PTPRJ: variants seen among roughly 807,000 people sequenced by gnomAD.
PTPRJ encodes the protein receptor-type tyrosine-protein phosphatase eta.
In PTPRJ, 129 loss-of-function variants were observed where a neutral mutation model predicts 141.3. The observed-to-expected ratio is 0.91, with a 90% CI of 0.79 to 1.06. The LOEUF (loss-of-function observed/expected upper bound fraction) is 1.06, where lower values mean the gene tolerates loss of function less well. PTPRJ is among the 50% of genes least tolerant of loss of function. The probability of loss-of-function intolerance (pLI) is 0.00; values close to 1 mark genes in which losing one functional copy is unlikely to be tolerated. For synonymous variants in PTPRJ, 610 were observed against 640.5 expected (o/e 0.95, Z 0.72); for missense variants, 1,601 against 1,679.7 (o/e 0.95, Z 0.82).
intron 1 of PTPRJ, among the ~76,000 whole-genome samples, chr11:48,053,262 A>G (rs1854638589): frequency 1.1e-5 from 1 of 88,710 alleles, no homozygotes; most frequent in Non-Finnish European, 2.0e-5. Context: ...TATATATAAT[A>G]TATTATATAA....
intron 11 of PTPRJ, among the ~76,000 whole-genome samples, chr11:48,142,415 A>T (rs1415762390): frequency 1.3e-5 from 2 of 152,160 alleles, no homozygotes; most frequent in East Asian, 1.9e-4. Flanking sequence ...CATTGAATTT[A>T]TAGATCGCTT....
At chr11:48,090,394 C>T (rs895731394) in intron 1 of PTPRJ, among the ~76,000 whole-genome samples, 2 of 152,248 alleles carry the variant, frequency 1.3e-5, no homozygotes, top group Admixed American at 6.5e-5. Flanking sequence ...AAGGGCGTGG[C>T]ATCTGACAGA....
At chr11:48,090,375 C>T (rs1855836430) in intron 1 of PTPRJ, among the ~76,000 whole-genome samples, 1 of 152,360 alleles carries the variant, frequency 6.6e-6, no homozygotes, top group South Asian at 2.1e-4. Flanking sequence ...CCAGCTCACA[C>T]TGGTCTTGAA....
chr11:48,128,089 C>T lies in PTPRJ; in HGVS notation c.1357+46C>T, dbSNP rs761205747. The T allele has an allele frequency of 1.5e-5, 23 of 1,571,308 alleles. No individual in the cohort carries two copies. In the Middle Eastern group the frequency reaches 5.1e-4, roughly 35 times the overall value. Reference sequence around the variant, plus strand: ...CACCACCCTTTCCTGCTGTCCTGCTCCGTGCCAGGCCCAGACACAGGATGC... The same window carrying T: ...CACCACCCTTTCCTGCTGTCCTGCTTCGTGCCAGGCCCAGACACAGGATGC... On this transcript the variant is annotated intron_variant, in intron 7 of 24. Transcript: ENST00000418331.
chr11:48,020,901 T>C (rs1352177567), intron 1 of PTPRJ, among the ~76,000 whole-genome samples: 1 of 152,160 alleles, frequency 6.6e-6, no homozygotes, highest in Admixed American at 6.6e-5. Flanking sequence ...GAGGGGCATG[T>C]GTCAGAGTTG....
rs1007559057 is a variant in PTPRJ, at chr11:47,994,521, G to A, written c.96+13513G>A. Among the ~76,000 whole-genome samples the A allele has an allele frequency of 3.3e-5, 5 of 152,090 alleles. No individual in the cohort carries two copies. In the South Asian group the frequency reaches 1.0e-3, roughly 32 times the overall value. ...ATACAAAAAATTAGTGGTGGTGCACGCTTGTGGTCCCAGCTGTTTGGGAGG... is the reference window on the plus strand; with the variant it reads ...ATACAAAAAATTAGTGGTGGTGCACACTTGTGGTCCCAGCTGTTTGGGAGG... On this transcript the variant is annotated intron_variant, in intron 1 of 24. Transcript: ENST00000418331.
At chr11:48,164,722 T>C (rs1264076391) in intron 24 of PTPRJ, among the ~76,000 whole-genome samples, 1 of 151,938 alleles carries the variant, frequency 6.6e-6, no homozygotes, top group Non-Finnish European at 1.5e-5. Flanking sequence ...ACGCACACCA[T>C]GCCCAGCTAA....
At chr11:48,026,172 C>T (rs1388994449) in intron 1 of PTPRJ, among the ~76,000 whole-genome samples, 1 of 152,064 alleles carries the variant, frequency 6.6e-6, no homozygotes, top group Admixed American at 6.6e-5. Context: ...GTGGAAGGTT[C>T]GAGTCTTACT....
At position 48,123,615 on chromosome 11, in the gene PTPRJ, C is replaced by T; in HGVS notation, c.619C>T (p.Pro207Ser). ...TGCATGTTGTATTTTTAAAATAGAG[C>T]CGATCCCAGTTTCTGATCTCCGTGT... ...DPRVIKVITE[P>S]IPVSDLRVAL... is the part of the protein sequence containing the mutation. The change falls in exon 5 of 25, where the codon CCG becomes TCG. Residue 207 changes from proline to serine, a missense_variant and splice_region_variant. Transcript: ENST00000418331. 1 of 1,611,938 alleles carries T rather than the reference C, an allele frequency of 6.2e-7. No individual in the cohort carries two copies.
Position 48,112,957 on chromosome 11 carries a change from C to T in PTPRJ, c.326C>T (p.Ala109Val). Residue 109 changes from alanine (A) to valine (V), a missense_variant, in exon 3 of 25, where the codon GCA (alanine) becomes GTA (valine). Transcript: ENST00000418331. Reference protein sequence around the residue: ...PEQGSNGTDGASQKTPSSTGP... With the variant: ...PEQGSNGTDGVSQKTPSSTGP... ...CAAGGATCTAATGGGACTGATGGGG[C>T]ATCTCAAAAAACTCCCAGTAGCACT... 6.2e-7 allele frequency: 1 copy of T among 1,613,970 alleles called. No homozygotes were observed. The highest frequency in any genetic ancestry group is 8.5e-7 in the Non-Finnish European group (1 of 1,179,838).
chr11:48,112,978 G>A lies in PTPRJ; in HGVS notation c.347G>A (p.Ser116Asn). 1 of 1,610,766 alleles carries A rather than the reference G, an allele frequency of 6.2e-7. No homozygotes were observed. The highest frequency in any genetic ancestry group is 8.5e-7 in the Non-Finnish European group (1 of 1,176,956). ...TDGASQKTPSSTGPSPVFDIK... is the reference protein window; with the variant it reads ...TDGASQKTPSNTGPSPVFDIK... ...GGGGCATCTCAAAAAACTCCCAGTAGCACTGGTAAGCATAGGCTTTTCTGC... is the reference window on the plus strand; with the variant it reads ...GGGGCATCTCAAAAAACTCCCAGTAACACTGGTAAGCATAGGCTTTTCTGC... The change falls in exon 3 of 25, where the codon AGC becomes AAC. Residue 116 changes from serine (S) to asparagine (N), a missense_variant. Transcript: ENST00000418331.
chr11:48,074,042 C>T (rs1197042343), intron 1 of PTPRJ, among the ~76,000 whole-genome samples: 6 of 152,070 alleles, frequency 3.9e-5, no homozygotes, highest in South Asian at 2.1e-4. Context: ...TGCAGTGGCT[C>T]GATCATGGCT....
intron 4 of PTPRJ, among the ~76,000 whole-genome samples, chr11:48,122,350 G>A (rs1189576502): frequency 6.6e-6 from 1 of 152,210 alleles, no homozygotes; most frequent in Non-Finnish European, 1.5e-5. Flanking sequence ...TGGGAAAGGG[G>A]ATGCGGAGGT....
chr11:48,053,555 T>G (rs1425163497), intron 1 of PTPRJ, among the ~76,000 whole-genome samples: 5 of 134,826 alleles, frequency 3.7e-5, no homozygotes, highest in Non-Finnish European at 7.6e-5. Flanking sequence ...ATTTTATATA[T>G]ATAATTTATA....
chr11:48,092,294 CAAAAAA>C lies in PTPRJ; in HGVS notation c.97-17746_97-17741del, dbSNP rs3971621. On this transcript the variant is annotated intron_variant, in intron 1 of 24. Transcript: ENST00000418331. ...TGGGCCACAGAGCAAGATTTCATCT[CAAAAAA>C]AAAAAAAAAAAAAAAAAGAAAAAGA... Among the ~76,000 whole-genome samples the C allele has an allele frequency of 8.7e-4, 41 of 46,954 alleles. 1 individual carries two copies. In the South Asian group the frequency reaches 0.042, roughly 48 times the overall value. The allele number at this position is 46,954 out of a possible 152,430, so 30.8% of individuals were successfully genotyped here.
intron 1 of PTPRJ, among the ~76,000 whole-genome samples, chr11:48,024,640 G>C (rs1187027390): frequency 1.3e-5 from 2 of 152,256 alleles, no homozygotes; most frequent in Non-Finnish European, 2.9e-5. Context: ...GTCAGGCACT[G>C]TACATCAGCC....
At chr11:48,089,069 G>A (rs2134295614) in intron 1 of PTPRJ, among the ~76,000 whole-genome samples, 1 of 152,220 alleles carries the variant, frequency 6.6e-6, no homozygotes, top group Non-Finnish European at 1.5e-5. Flanking sequence ...GCTGCCTGTT[G>A]TCTTTAAGAA....
chr11:48,126,805 C>G (rs1409836984), intron 6 of PTPRJ, among the ~76,000 whole-genome samples: 11 of 141,342 alleles, frequency 7.8e-5, no homozygotes, highest in African/African-American at 3.1e-4. Context: ...CACACACACA[C>G]ACACACACAC....
chr11:48,132,356 C>G (rs1857000794), intron 8 of PTPRJ: 1 of 974,306 alleles, frequency 1.0e-6, no homozygotes, highest in Admixed American at 6.2e-5. Flanking sequence ...GCCTGGGAGA[C>G]CCTGTCTCAA....
Sources: gnomAD v4.1 joint callset for allele counts (sites outside exome capture counted in the v4.1 genomes callset) on GRCh38, gnomAD v4.1.1 for gene constraint, MANE v1.5 for transcripts, NCBI Gene and HGNC (gene_info 2026-07-23, HGNC 2026-07-21) for gene names.